The following SIK2 variants were observed in gnomAD, a reference collection of about 807,000 sequenced individuals.
SIK2 encodes the protein salt inducible kinase 2, also known as serine/threonine-protein kinase SIK2.
A neutral mutation model predicts 103.2 loss-of-function variants in SIK2; 29 were observed. The ratio of observed to expected loss-of-function variants is 0.28; its 90% CI spans 0.21 to 0.38. SIK2 has a LOEUF of 0.38. Among genes scored for constraint, SIK2 ranks in the 10% least tolerant of loss-of-function variants. The pLI, the probability that SIK2 is intolerant of heterozygous loss-of-function variation, is 1.00. For synonymous variants in SIK2, 412 were observed against 446.1 expected (o/e 0.92, Z 0.96); for missense variants, 879 against 1,171.0 (o/e 0.75, Z 3.64).
chr11:111,660,121 A>G (rs2135870539), intron 3 of SIK2, among the ~76,000 whole-genome samples: 1 of 152,324 alleles, frequency 6.6e-6, no homozygotes, highest in East Asian at 1.9e-4. Flanking sequence ...TGGATTAATA[A>G]GCTCTGTTGG....
chr11:111,648,420 A>G (rs1396896746), intron 3 of SIK2, among the ~76,000 whole-genome samples: 1 of 152,078 alleles, frequency 6.6e-6, no homozygotes, highest in Non-Finnish European at 1.5e-5. Flanking sequence ...TCACACGGTG[A>G]GGGGACAAGT....
intron 4 of SIK2, among the ~76,000 whole-genome samples, chr11:111,693,230 G>T (rs1459802076): frequency 6.6e-6 from 1 of 152,038 alleles, no homozygotes; most frequent in Non-Finnish European, 1.5e-5. Flanking sequence ...TACTCAGGAG[G>T]CTGAGGCAGG....
chr11:111,654,515 A>G (rs1266506067), intron 3 of SIK2, among the ~76,000 whole-genome samples: 3 of 152,164 alleles, frequency 2.0e-5, no homozygotes, highest in African/African-American at 7.2e-5. Context: ...GTTGTGTAAT[A>G]TTGTCACTTG....
intron 1 of SIK2, among the ~76,000 whole-genome samples, chr11:111,612,575 C>T (rs185267510): frequency 6.6e-6 from 1 of 152,192 alleles, no homozygotes; most frequent in Non-Finnish European, 1.5e-5. Context: ...TAATAGGCAC[C>T]ACTTCCAGCC....
chr11:111,720,374 A>T, intron 10 of SIK2, 104 bp from the exon 11 acceptor site: 1 of 1,185,414 alleles, frequency 8.4e-7, no homozygotes, highest in Non-Finnish European at 1.2e-6. Context: ...ATTGGAAATT[A>T]AGGACATGGT....
chr11:111,621,092 A>G (rs1357272592), intron 3 of SIK2, among the ~76,000 whole-genome samples: 3 of 152,220 alleles, frequency 2.0e-5, no homozygotes, highest in African/African-American at 7.2e-5. Flanking sequence ...TTATTGAAGA[A>G]TAATTCATAT....
rs1944090096 is a variant in SIK2, at chr11:111,729,045, CTGTAATGT to C, written c.*4917_*4924del. On this transcript the variant is annotated 3_prime_UTR_variant, in exon 15 of 15. Transcript: ENST00000304987. ...GGTTCTACAGTGTGGTCTGAAGCAC[CTGTAATGT>C]CAGAGCCCTTGTCTGGCCCTTGGTG... The C allele has an allele frequency of 6.6e-6, 1 of 152,218 alleles. No homozygotes were observed. The highest frequency in any genetic ancestry group is 1.5e-5 in the Non-Finnish European group (1 of 68,054). 9.4% of individuals were successfully genotyped at this position (152,218 alleles called of 1,614,324 possible).
In SIK2 at chr11:111,727,052, T is replaced by A. The variant is rs756907165; in HGVS notation, c.*2923T>A. On this transcript the variant is annotated 3_prime_UTR_variant, in exon 15 of 15. Coordinates refer to ENST00000304987, the MANE Select transcript of SIK2 (RefSeq NM_015191.3). ...TAGTATCTCCACGCAACTGATACAC[T>A]GGTCCCTGTAAGGCAAACAGCATGT... 1 of 1,613,908 alleles carries A rather than the reference T, an allele frequency of 6.2e-7. No homozygotes were observed. The highest frequency in any genetic ancestry group is 1.7e-5 in the Admixed American group (1 of 60,020).
At chr11:111,649,759 G>C (rs918330558) in intron 3 of SIK2, among the ~76,000 whole-genome samples, 5 of 152,250 alleles carry the variant, frequency 3.3e-5, no homozygotes, top group Non-Finnish European at 7.4e-5. Flanking sequence ...GATGGCATAG[G>C]TGGCAGTGAT....
chr11:111,712,184 A>G (rs1279262814), intron 8 of SIK2, 27 bp from the exon 9 acceptor site: 1 of 1,606,118 alleles, frequency 6.2e-7, no homozygotes, highest in African/African-American at 1.3e-5. Context: ...CATGTTCCCA[A>G]ACTGTCTGTT....
chr11:111,677,503 C>T (rs907369500), intron 3 of SIK2, among the ~76,000 whole-genome samples: 5 of 151,858 alleles, frequency 3.3e-5, no homozygotes, highest in African/African-American at 2.4e-5. Context: ...CTGCAACCTC[C>T]GCCTCCCAGG....
intron 3 of SIK2, among the ~76,000 whole-genome samples, chr11:111,624,231 A>C (rs1281928624): frequency 6.6e-6 from 1 of 152,230 alleles, no homozygotes; most frequent in Admixed American, 6.5e-5. Flanking sequence ...GTAGGATTCT[A>C]AATAAATAGT....
intron 3 of SIK2, among the ~76,000 whole-genome samples, chr11:111,657,027 C>G (rs1942400489): frequency 6.6e-6 from 1 of 152,182 alleles, no homozygotes; most frequent in South Asian, 2.1e-4. Flanking sequence ...AGTCCTTATT[C>G]TTAGTGCCAT....
rs1400559300 is a variant in SIK2 at position 111,727,051 on chromosome 11, C to G, written c.*2922C>G. The G allele has an allele frequency of 6.2e-7, 1 of 1,613,806 alleles. No homozygotes were observed. The highest frequency in any genetic ancestry group is 1.7e-5 in the Admixed American group (1 of 59,998). ...CTAGTATCTCCACGCAACTGATACA[C>G]TGGTCCCTGTAAGGCAAACAGCATG... On this transcript the variant is annotated 3_prime_UTR_variant, in exon 15 of 15. Transcript: ENST00000304987.
intron 3 of SIK2, among the ~76,000 whole-genome samples, chr11:111,624,910 A>G (rs1300306518): frequency 1.3e-5 from 2 of 152,210 alleles, no homozygotes; most frequent in Non-Finnish European, 2.9e-5. Flanking sequence ...AAGCACAGTC[A>G]TGTCGATATG....
intron 4 of SIK2, among the ~76,000 whole-genome samples, chr11:111,700,307 A>G (rs1299083696): frequency 6.6e-6 from 1 of 152,190 alleles, no homozygotes; most frequent in Non-Finnish European, 1.5e-5. Context: ...TGGCTGGGCT[A>G]TGTGGCCATC....
chr11:111,700,242 A>G (rs1037505082), intron 4 of SIK2, among the ~76,000 whole-genome samples: 1 of 152,202 alleles, frequency 6.6e-6, no homozygotes, highest in Admixed American at 6.5e-5. Context: ...GTTTTGAACT[A>G]TAATGCCACT....
At chr11:111,636,087 TG>T (rs374645857) in intron 3 of SIK2, among the ~76,000 whole-genome samples, 8 of 152,346 alleles carry the variant, frequency 5.3e-5, no homozygotes, top group Middle Eastern at 3.4e-3. Flanking sequence ...ATTCTTTGTT[TG>T]TGAAAGGGGA....
At chr11:111,648,219 T>C (rs1408469016) in intron 3 of SIK2, among the ~76,000 whole-genome samples, 1 of 152,230 alleles carries the variant, frequency 6.6e-6, no homozygotes. Flanking sequence ...TTATTACTAT[T>C]TACTATTTAA....
Sources: allele counts gnomAD v4.1 joint callset (sites outside exome capture counted in the v4.1 genomes callset), GRCh38; gene constraint gnomAD v4.1.1; transcripts MANE v1.5; gene names NCBI Gene and HGNC (gene_info 2026-07-23, HGNC 2026-07-21).